The following CLEC4E variants were observed in gnomAD, a reference collection of about 807,000 sequenced individuals.
The protein encoded by CLEC4E is C-type (calcium dependent, carbohydrate-recognition domain) lectin, superfamily member 9.
Under a neutral mutation model 24.7 loss-of-function variants are expected in CLEC4E, and 21 were observed. The ratio of observed to expected loss-of-function variants is 0.85; its 90% CI spans 0.60 to 1.22. The LOEUF is 1.22. Ranked by LOEUF, CLEC4E falls within the 50% of genes most tolerant of loss-of-function variation. The pLI is 0.00. For synonymous variants in CLEC4E, 94 were observed against 85.7 expected (o/e 1.10, Z -0.54); for missense variants, 249 against 254.1 (o/e 0.98, Z 0.14).
chr12:8,535,207 C>T (rs1192400698), intron 5 of CLEC4E, among the ~76,000 whole-genome samples: 3 of 152,166 alleles, frequency 2.0e-5, no homozygotes, highest in East Asian at 1.9e-4. Context: ...TTAGGTGCAT[C>T]CTGCAGTGAT....
At position 8,536,138 on chromosome 12, in the gene CLEC4E, T is replaced by A; in HGVS notation, c.440A>T (p.Glu147Val). ...GCCGTCCACCCATTGCCACTGACCC[T>A]CGACAACCTGGTCTGACAGTCCAAT... ...FFIGLSDQVV[E>V]GQWQWVDGTP... Residue 147 changes from glutamate (E) to valine (V), a missense_variant, in exon 5 of 6, where the codon GAG (glutamate) becomes GTG (valine). Transcript: ENST00000299663. 1 of 1,613,564 alleles carries A rather than the reference T, an allele frequency of 6.2e-7. No homozygotes were observed. Among genetic ancestry groups the A allele is most frequent in the Non-Finnish European group, 8.5e-7 (1 of 1,179,614 alleles).
intron 1 of CLEC4E, among the ~76,000 whole-genome samples, chr12:8,540,556 A>G (rs1940685349): frequency 6.6e-6 from 1 of 152,202 alleles, no homozygotes; most frequent in Non-Finnish European, 1.5e-5. Context: ...GAAAGGGTGG[A>G]AACTGATAGC....
At chr12:8,535,611 A>C (rs1940601395) in intron 5 of CLEC4E, among the ~76,000 whole-genome samples, 1 of 152,154 alleles carries the variant, frequency 6.6e-6, no homozygotes. Flanking sequence ...TCCCTAACAA[A>C]TCATGAGAAT....
At chr12:8,538,112 A>G (rs369119427) in intron 3 of CLEC4E, among the ~76,000 whole-genome samples, 234 of 152,320 alleles carry the variant, frequency 1.5e-3, no homozygotes, top group African/African-American at 5.4e-3. Context: ...AGCAGACAGG[A>G]AAAGGGAGTC....
At chr12:8,536,570 A>C (rs1460641829) in intron 4 of CLEC4E, among the ~76,000 whole-genome samples, 1 of 152,206 alleles carries the variant, frequency 6.6e-6, no homozygotes, top group Non-Finnish European at 1.5e-5. Flanking sequence ...AAAGTAAAAA[A>C]GAATCTGGAT....
In CLEC4E at chr12:8,534,579, T is replaced by C. The variant is rs1473314115; in HGVS notation, c.*59A>G. The C allele has an allele frequency of 7.5e-7, 1 of 1,340,802 alleles. No homozygotes were observed. 83.1% of individuals were successfully genotyped at this position (1,340,802 alleles called of 1,614,324 possible). ...CGCACAAATTTCTCGTGTGGGGCGGTGGGTGTGGCCATGTTCTTGCTCTTC... is the reference window on the plus strand; with the variant it reads ...CGCACAAATTTCTCGTGTGGGGCGGCGGGTGTGGCCATGTTCTTGCTCTTC... On this transcript the variant is annotated 3_prime_UTR_variant, in exon 6 of 6. Transcript: ENST00000299663.
rs991855902 is a variant in CLEC4E, at chr12:8,534,445, C to T, written c.*193G>A. On this transcript the variant is annotated 3_prime_UTR_variant, in exon 6 of 6. Transcript: ENST00000299663. ...TTCTGGGAAGAGGACCTGAGACTAA[C>T]GTAGAGAGAAAATGCACTTCAGCCA... 3.1e-5 allele frequency: 14 copies of T among 455,410 alleles called. No homozygotes were observed. The highest frequency in any genetic ancestry group is 3.0e-4 in the East Asian group (8 of 26,988). The allele number at this position is 455,410 out of a possible 1,614,324, so 28.2% of individuals were successfully genotyped here. A position where few individuals can be genotyped will look rare whatever the true frequency, so the allele number is the denominator to read the frequency against.
intron 3 of CLEC4E, 193 bp downstream of exon 3, chr12:8,539,024 C>G: frequency 2.1e-6 from 1 of 484,718 alleles, no homozygotes; most frequent in Non-Finnish European, 3.6e-6. Context: ...CAAATTTATT[C>G]TAAAAGTTTA....
At chr12:8,538,680 T>C (rs992847842) in intron 3 of CLEC4E, among the ~76,000 whole-genome samples, 2 of 152,226 alleles carry the variant, frequency 1.3e-5, no homozygotes, top group African/African-American at 4.8e-5. Flanking sequence ...ACCAACCCTG[T>C]GGGGCTGGTC....
chr12:8,535,436 G>A (rs181758320), intron 5 of CLEC4E, among the ~76,000 whole-genome samples: 233 of 152,246 alleles, frequency 1.5e-3, no homozygotes, highest in Non-Finnish European at 2.3e-3. Context: ...GCTCTATCAG[G>A]AAGAATACCT....
At chr12:8,540,725 G>C (rs376946187) in intron 1 of CLEC4E, 36 bp downstream of exon 1, 6 of 1,566,190 alleles carry the variant, frequency 3.8e-6, no homozygotes, top group Non-Finnish European at 3.5e-6. Context: ...TCCAAAAAGA[G>C]ATCTATGGAA....
chr12:8,535,506 C>T (rs1940599953), intron 5 of CLEC4E, among the ~76,000 whole-genome samples: 1 of 152,090 alleles, frequency 6.6e-6, no homozygotes, highest in Admixed American at 6.5e-5. Flanking sequence ...ACCAAACCAC[C>T]ACGGCACACG....
chr12:8,540,823 T>TTCTCTC lies in CLEC4E; in HGVS notation c.-32_-27dup, dbSNP rs58920673. On this transcript the variant is annotated 5_prime_UTR_variant, in exon 1 of 6. Transcript: ENST00000299663. ...TTTTTCTCTCTCTTTGGTTTTTTGT[T>TTCTCTC]TCTCTCTCTCTCTTTTTCTCTCCCT... The TTCTCTC allele has an allele frequency of 1.1e-4, 137 of 1,286,200 alleles. No individual in the cohort carries two copies. Among genetic ancestry groups the TTCTCTC allele is most frequent in the South Asian group, 3.1e-4 (25 of 80,560 alleles). 79.7% of individuals were successfully genotyped at this position (1,286,200 alleles called of 1,614,324 possible).
rs1296459856 is a variant in CLEC4E, at chr12:8,540,821, G to GC, written c.-25_-24insG. 9.7e-5 allele frequency: 142 copies of GC among 1,467,658 alleles called. No homozygotes were observed. The highest frequency in any genetic ancestry group is 1.3e-4 in the Non-Finnish European group (139 of 1,068,346). 90.9% of individuals were successfully genotyped at this position (1,467,658 alleles called of 1,614,324 possible). A position where few individuals can be genotyped will look rare whatever the true frequency, so the allele number is the denominator to read the frequency against. ...ATTTTTTCTCTCTCTTTGGTTTTTTGTTTCTCTCTCTCTCTTTTTCTCTCC... is the reference window on the plus strand; with the variant it reads ...ATTTTTTCTCTCTCTTTGGTTTTTTGCTTTCTCTCTCTCTCTTTTTCTCTCC... On this transcript the variant is annotated 5_prime_UTR_variant, in exon 1 of 6. Coordinates refer to ENST00000299663, the MANE Select transcript of CLEC4E (RefSeq NM_014358.4).
intron 3 of CLEC4E, among the ~76,000 whole-genome samples, chr12:8,538,566 C>T (rs1469679684): frequency 2.6e-5 from 4 of 152,182 alleles, no homozygotes; most frequent in African/African-American, 9.7e-5. Flanking sequence ...GGTCTCCGCG[C>T]ATTGGTGGTA....
rs1432763091 is a variant in CLEC4E, at chr12:8,534,111, C to G, written c.*527G>C. On this transcript the variant is annotated 3_prime_UTR_variant, in exon 6 of 6. Coordinates refer to ENST00000299663, the MANE Select transcript of CLEC4E (RefSeq NM_014358.4). ...AGGCCTGTAGCCAGAAAGGCCACAC[C>G]GGTATTCTGAGCAGGAATAAGTTTC... 1 of 152,330 alleles carries G rather than the reference C, an allele frequency of 6.6e-6. No homozygotes were observed. Among genetic ancestry groups the G allele is most frequent in the Non-Finnish European group, 1.5e-5 (1 of 68,192 alleles). 9.4% of individuals were successfully genotyped at this position (152,330 alleles called of 1,614,324 possible). A position where few individuals can be genotyped will look rare whatever the true frequency, so the allele number is the denominator to read the frequency against.
rs1940585676 is a variant in CLEC4E, at chr12:8,534,570, G to A, written c.*68C>T. On this transcript the variant is annotated 3_prime_UTR_variant, in exon 6 of 6. Coordinates refer to ENST00000299663, the MANE Select transcript of CLEC4E (RefSeq NM_014358.4). ...GAAGTTCAGCGCACAAATTTCTCGT[G>A]TGGGGCGGTGGGTGTGGCCATGTTC... 1 of 1,206,486 alleles carries A rather than the reference G, an allele frequency of 8.3e-7. No homozygotes were observed. The highest frequency in any genetic ancestry group is 2.2e-5 in the Admixed American group (1 of 45,408). 74.7% of individuals were successfully genotyped at this position (1,206,486 alleles called of 1,614,324 possible). A position where few individuals can be genotyped will look rare whatever the true frequency, so the allele number is the denominator to read the frequency against.
intron 3 of CLEC4E, 89 bp downstream of exon 3, chr12:8,539,128 C>T: frequency 3.6e-6 from 3 of 838,898 alleles, no homozygotes; most frequent in South Asian, 1.6e-5. Flanking sequence ...AGACCTAATC[C>T]AGCTATATCT....
At position 8,536,103 on chromosome 12, in the gene CLEC4E, T is replaced by C; in HGVS notation, c.475A>G (p.Thr159Ala). Reference sequence around the variant, plus strand: ...GAGGGTAATTACCTCAGAGACTTTGTCAAAGGTGTGCCGTCCACCCATTGC... The same window carrying C: ...GAGGGTAATTACCTCAGAGACTTTGCCAAAGGTGTGCCGTCCACCCATTGC... The part of the protein sequence containing the change: ...QWQWVDGTPL[T>A]KSLSFWDVGE... Residue 159 changes from threonine (T) to alanine (A), a missense_variant, in exon 5 of 6, where the codon ACA (threonine) becomes GCA (alanine). Thr to Ala is a moderately conservative substitution (Grantham distance 58, BLOSUM62 0). Transcript: ENST00000299663. 6.2e-7 allele frequency: 1 copy of C among 1,610,230 alleles called. No homozygotes were observed. Among genetic ancestry groups the C allele is most frequent in the Non-Finnish European group, 8.5e-7 (1 of 1,176,744 alleles).
Sources: gnomAD v4.1 joint callset for allele counts (sites outside exome capture counted in the v4.1 genomes callset) on GRCh38, gnomAD v4.1.1 for gene constraint, MANE v1.5 for transcripts, NCBI Gene and HGNC (gene_info 2026-07-23, HGNC 2026-07-21) for gene names.